Variants in SMARCA2 observed in about 807,000 individuals in gnomAD.
The protein encoded by SMARCA2 is SWI/SNF related BAF chromatin remodeling complex subunit ATPase 2, also known as SWI/SNF-related matrix-associated actin-dependent regulator of chromatin subfamily A member 2.
SMARCA2 carries 61 observed loss-of-function variants against 199.8 expected under a neutral mutation model. The ratio of observed to expected loss-of-function variants is 0.31; its 90% confidence interval spans 0.25 to 0.38. The LOEUF (loss-of-function observed/expected upper bound fraction) is 0.38, where lower values mean the gene tolerates loss of function less well. Ranked by LOEUF, SMARCA2 falls within the 10% of genes least tolerant of loss-of-function variation. The pLI, the probability that SMARCA2 is intolerant of heterozygous loss-of-function variation, is 1.00. For synonymous variants in SMARCA2, 935 were observed against 732.0 expected (o/e 1.28, Z -4.48); for missense variants, 1,344 against 2,012.2 (o/e 0.67, Z 6.35).
chr9:2,159,075 T>G, intron 27 of SMARCA2: 1 of 1,460,866 alleles, frequency 6.8e-7, no homozygotes, highest in Non-Finnish European at 9.4e-7. Context: ...TCAGTTGTTC[T>G]GTTTGCAATT....
At chr9:2,078,627 T>G (rs1402295476) in intron 14 of SMARCA2, among the ~76,000 whole-genome samples, 1 of 152,108 alleles carries the variant, frequency 6.6e-6, no homozygotes, top group East Asian at 1.9e-4. Context: ...ATGAGACATT[T>G]GTTCTATGAA....
chr9:2,100,745 ATATAT>A (rs1822473785), intron 21 of SMARCA2, among the ~76,000 whole-genome samples: 1 of 152,070 alleles, frequency 6.6e-6, no homozygotes, highest in East Asian at 1.9e-4. Flanking sequence ...AAGAATTATA[ATATAT>A]TATATAATCA....
At chr9:2,093,222 G>T (rs1391180470) in intron 19 of SMARCA2, among the ~76,000 whole-genome samples, 1 of 152,200 alleles carries the variant, frequency 6.6e-6, no homozygotes, top group Admixed American at 6.5e-5. Flanking sequence ...CATTCAGGTG[G>T]TTTAGGACGG....
chr9:2,038,846 G>C (rs1251413004), intron 3 of SMARCA2, among the ~76,000 whole-genome samples: 2 of 152,120 alleles, frequency 1.3e-5, no homozygotes. Context: ...ACAACATGTA[G>C]GCACTCAATA....
rs1180749354 is a variant in SMARCA2, at chr9:2,109,067, G to C, written c.3293-1187G>C. Among the ~76,000 whole-genome samples, 3 of 152,194 alleles carry C rather than the reference G, an allele frequency of 2.0e-5. No individual in the cohort carries two copies. The South Asian group carries it at 6.2e-4, about 32-fold the overall frequency. ...TTATTTTTATTAAATGTGAAAAACA[G>C]ATCGTCCCCATGTTTGAGAACTTGG... is the stretch of plus-strand genomic sequence containing the variant. On this transcript the variant is annotated intron_variant, in intron 23 of 33. Transcript: ENST00000349721.
chr9:2,181,278 T>G (rs931583866), intron 29 of SMARCA2: 1 of 225,058 alleles, frequency 4.4e-6, no homozygotes, highest in Non-Finnish European at 8.7e-6. Context: ...ATTTTAAATA[T>G]TTCTATCAAA....
chr9:2,145,699 A>T (rs1348864352), intron 27 of SMARCA2, among the ~76,000 whole-genome samples: 1 of 152,252 alleles, frequency 6.6e-6, no homozygotes. Context: ...ATCTAAGAGC[A>T]GTTTTCCCAG....
At chr9:2,083,043 A>T (rs926320000) in intron 15 of SMARCA2, among the ~76,000 whole-genome samples, 3 of 152,088 alleles carry the variant, frequency 2.0e-5, no homozygotes, top group Admixed American at 1.3e-4. Flanking sequence ...TCCTAAAATC[A>T]TTCTGGCAAT....
At chr9:2,087,628 A>G (rs1250717470) in intron 18 of SMARCA2, among the ~76,000 whole-genome samples, 6 of 151,666 alleles carry the variant, frequency 4.0e-5, no homozygotes, top group African/African-American at 9.7e-5. Context: ...TTATTTTCCA[A>G]TTTCTTATTG....
intron 18 of SMARCA2, 84 bp downstream of exon 18, chr9:2,087,155 G>A (rs1208617284): frequency 6.6e-7 from 1 of 1,526,030 alleles, no homozygotes; most frequent in Non-Finnish European, 9.0e-7. Context: ...TAGAGCCACA[G>A]AACACCCGCA....
At position 2,099,257 on chromosome 9, in the gene SMARCA2, C is replaced by G. The variant is rs529749623; in HGVS notation, c.3078+1786C>G. Among the ~76,000 whole-genome samples, 14 of 152,234 alleles carry G rather than the reference C, an allele frequency of 9.2e-5. No individual in the cohort carries two copies. In the South Asian group the frequency reaches 2.7e-3, roughly 29 times the overall value. The stretch of plus-strand genomic sequence containing the variant: ...GGTTTAGAGGAGCTGGGAGAAAAGT[C>G]TAATGATGAAACTGTCTGGGATTTT... On this transcript the variant is annotated intron_variant, in intron 21 of 33. Transcript: ENST00000349721.
Position 2,192,877 on chromosome 9 carries a change from CCAGA to C in SMARCA2, c.*141_*144del. ...TCTATAAACTAGCTTTAGGATAGTG[CCAGA>C]CAAACATATGATATCATGGTGTAAA... is the stretch of plus-strand genomic sequence containing the variant. On this transcript the variant is annotated 3_prime_UTR_variant, in exon 34 of 34. Coordinates refer to ENST00000349721, the MANE Select transcript of SMARCA2 (RefSeq NM_003070.5). 1.5e-6 allele frequency: 1 copy of C among 676,944 alleles called. No individual in the cohort carries two copies. Among genetic ancestry groups the C allele is most frequent in the East Asian group, 2.6e-5 (1 of 38,576 alleles). 41.9% of individuals were successfully genotyped at this position (676,944 alleles called of 1,614,324 possible). A position where few individuals can be genotyped will look rare whatever the true frequency, so the allele number is the denominator to read the frequency against.
intron 23 of SMARCA2, among the ~76,000 whole-genome samples, chr9:2,105,412 AT>A (rs111987923): frequency 6.4e-4 from 94 of 145,862 alleles, no homozygotes; most frequent in Middle Eastern, 3.5e-3. Flanking sequence ...CGCCCGGCTA[AT>A]TTTTTTTTTT....
At position 2,136,543 on chromosome 9, in the gene SMARCA2, T is replaced by C. The variant is rs140562572; in HGVS notation, c.3981+12606T>C. ...ACTGTGAGTACATTTATGGAGACTG[T>C]TGAAAAGCAAATTCAATTCAACATC... On this transcript the variant is annotated intron_variant, in intron 27 of 33. Coordinates refer to ENST00000349721, the MANE Select transcript of SMARCA2 (RefSeq NM_003070.5). Among the ~76,000 whole-genome samples, 3 of 152,300 alleles carry C rather than the reference T, an allele frequency of 2.0e-5. No individual in the cohort carries two copies. In the East Asian group the frequency reaches 5.8e-4, roughly 29 times the overall value.
intron 21 of SMARCA2, among the ~76,000 whole-genome samples, 172 bp from the exon 22 acceptor site, chr9:2,101,396 GTC>G (rs1425071126): frequency 1.3e-5 from 2 of 152,096 alleles, no homozygotes; most frequent in African/African-American, 4.8e-5. Context: ...TGGAACAAAA[GTC>G]TGCATGCAAT....
intron 3 of SMARCA2, among the ~76,000 whole-genome samples, chr9:2,033,472 G>T (rs148407615): frequency 2.6e-5 from 4 of 152,360 alleles, no homozygotes; most frequent in African/African-American, 9.6e-5. Flanking sequence ...GCCAGAAAGA[G>T]AATCTAGGCC....
chr9:2,171,135 G>C (rs1369508357), intron 29 of SMARCA2, among the ~76,000 whole-genome samples: 1 of 152,148 alleles, frequency 6.6e-6, no homozygotes, highest in Non-Finnish European at 1.5e-5. Context: ...GTGAATATTA[G>C]ATGACATTGG....
chr9:2,067,569 C>T (rs1313687777), intron 9 of SMARCA2, among the ~76,000 whole-genome samples: 1 of 152,280 alleles, frequency 6.6e-6, no homozygotes, highest in East Asian at 1.9e-4. Context: ...GTGACCCAGT[C>T]CTGCAGAAGC....
intron 2 of SMARCA2, 65 bp from the exon 3 acceptor site, chr9:2,032,887 A>G (rs1228545710): frequency 6.7e-7 from 1 of 1,500,580 alleles, no homozygotes; most frequent in Non-Finnish European, 9.1e-7. Context: ...AAGGGGTCTG[A>G]AAACTCCAAA....
Sources: gnomAD v4.1 joint callset for allele counts (sites outside exome capture counted in the v4.1 genomes callset) on GRCh38, gnomAD v4.1.1 for gene constraint, MANE v1.5 for transcripts, NCBI Gene and HGNC (gene_info 2026-07-23, HGNC 2026-07-21) for gene names.